The following ZNF45 variants were observed in gnomAD, a reference collection of about 807,000 sequenced individuals.
ZNF45 encodes the protein zinc finger protein 45.
ZNF45 carries 4 observed loss-of-function variants against 12.0 expected under a neutral mutation model. The observed-to-expected ratio is 0.33, with a 90% CI of 0.16 to 0.76. The LOEUF is 0.76. ZNF45 is among the 30% of genes least tolerant of loss of function. ZNF45 has a pLI of 0.60. For missense variants in ZNF45, 700 were observed against 813.0 expected (o/e 0.86, Z 1.69); for synonymous variants, 272 against 279.6 (o/e 0.97, Z 0.27).
In ZNF45 at chr19:43,918,874, G is replaced by A. The variant is rs1972898681; in HGVS notation, c.231C>T (p.Ser77=). The part of the protein sequence containing the change: ...MMKMATQRDN[S]SGAKNLKEME... ...GCAGCCCCAGCCCCTCCTCACCTGA[G>A]GAGTTATCTCTCTGGGTTGCCATCT... Residue 77 remains serine, a synonymous_variant, in exon 9 of 10, where the codon TCC becomes TCT. Transcript: ENST00000269973. The A allele has an allele frequency of 1.2e-6, 2 of 1,613,562 alleles. No individual in the cohort carries two copies. The highest frequency in any genetic ancestry group is 1.1e-5 in the South Asian group (1 of 91,080).
rs1381025122 is a variant in ZNF45, at chr19:43,913,833, T to C, written c.1603A>G (p.Lys535Glu). 1 of 1,613,886 alleles carries C rather than the reference T, an allele frequency of 6.2e-7. No homozygotes were observed. Among genetic ancestry groups the C allele is most frequent in the African/African-American group, 1.3e-5 (1 of 74,842 alleles). The change falls in exon 10 of 10, where the codon AAG (lysine) becomes GAG (glutamate). Residue 535 changes from lysine to glutamate, a missense_variant. Physicochemically the swap from Lys to Glu is moderately conservative, Grantham distance 56. Coordinates refer to ENST00000269973, the MANE Select transcript of ZNF45 (RefSeq NM_003425.4). Reference protein sequence around the residue: ...EKPYQCAECGKGFSVGSQLQA... With the variant: ...EKPYQCAECGEGFSVGSQLQA... ...AGCTGTGAACCTACACTGAAGCCCT[T>C]CCCACACTCTGCACACTGATATGGT...
At chr19:43,923,025 T>C (rs1021002094) in intron 6 of ZNF45, among the ~76,000 whole-genome samples, 1 of 151,752 alleles carries the variant, frequency 6.6e-6, no homozygotes, top group Non-Finnish European at 1.5e-5. Context: ...GAGGTCATGC[T>C]ATGTTGCCCG....
chr19:43,922,820 G>GTTTTTTTTTTTTTTTTTTTTTTTTTTTTT (rs368057244), intron 6 of ZNF45, among the ~76,000 whole-genome samples: 1 of 86,506 alleles, frequency 1.2e-5, no homozygotes, highest in Non-Finnish European at 2.1e-5. Flanking sequence ...TAAATTCTTT[G>GTTTTTTTTTTTTTTTTTTTTTTTTTTTTT]TTTTTTTTTT....
intron 9 of ZNF45, among the ~76,000 whole-genome samples, chr19:43,915,689 C>T (rs1333794289): frequency 6.6e-6 from 1 of 152,108 alleles, no homozygotes; most frequent in African/African-American, 2.4e-5. Flanking sequence ...ACTGCGCGTG[C>T]GAGGGATCTA....
chr19:43,924,703 G>A (rs1489313180), intron 4 of ZNF45, 142 bp from the exon 5 acceptor site: 1 of 152,246 alleles, frequency 6.6e-6, no homozygotes, highest in East Asian at 1.9e-4. Context: ...GTAGAGAACA[G>A]AGTTGTGAAC....
intron 7 of ZNF45, among the ~76,000 whole-genome samples, chr19:43,920,854 G>A (rs1355898104): frequency 2.0e-5 from 3 of 151,930 alleles, no homozygotes; most frequent in South Asian, 4.2e-4. Context: ...CACCTGTCTC[G>A]GCCTCAGAAA....
chr19:43,931,676 A>C (rs1343421552), intron 3 of ZNF45, among the ~76,000 whole-genome samples: 1 of 152,190 alleles, frequency 6.6e-6, no homozygotes, highest in Non-Finnish European at 1.5e-5. Context: ...CACTATTTCA[A>C]ACATGTTACC....
At chr19:43,933,334 T>G (rs1040868621) in intron 2 of ZNF45, among the ~76,000 whole-genome samples, 39 of 152,030 alleles carry the variant, frequency 2.6e-4, no homozygotes, top group Non-Finnish European at 3.1e-4. Context: ...CAGGGCGTGG[T>G]GACGGGCACC....
At position 43,914,436 on chromosome 19, in the gene ZNF45, A is replaced by C. The variant is rs746520351; in HGVS notation, c.1000T>G (p.Cys334Gly). Residue 334 changes from cysteine (C) to glycine (G), a missense_variant, in exon 10 of 10, where the codon TGC (cysteine) becomes GGC (glycine). Coordinates refer to ENST00000269973, the MANE Select transcript of ZNF45 (RefSeq NM_003425.4). ...RIHTGEKPYK[C>G]NACGKSFSYS... ...CTAAAGCTCTTGCCACATGCATTGC[A>C]TTTGTATGGTTTCTCGCCAGTGTGG... 2.6e-5 allele frequency: 42 copies of C among 1,610,278 alleles called. No individual in the cohort carries two copies. Among genetic ancestry groups the C allele is most frequent in the Non-Finnish European group, 3.4e-5 (40 of 1,177,928 alleles).
chr19:43,922,820 G>T (rs796455098), intron 6 of ZNF45, among the ~76,000 whole-genome samples: 111 of 86,438 alleles, frequency 1.3e-3, no homozygotes, highest in East Asian at 1.8e-3. Flanking sequence ...TAAATTCTTT[G>T]TTTTTTTTTT....
chr19:43,916,213 CAA>C (rs1193108802), intron 9 of ZNF45, among the ~76,000 whole-genome samples: 2 of 152,084 alleles, frequency 1.3e-5, no homozygotes, highest in Non-Finnish European at 2.9e-5. Context: ...CCTCCTGACT[CAA>C]GTGATTCTCC....
intron 3 of ZNF45, among the ~76,000 whole-genome samples, chr19:43,930,843 T>C (rs1026316687): frequency 1.3e-5 from 2 of 152,174 alleles, no homozygotes; most frequent in Non-Finnish European, 2.9e-5. Context: ...ATATATTTTC[T>C]TTAACCCAAC....
At chr19:43,920,593 G>C (rs1268742826) in intron 7 of ZNF45, among the ~76,000 whole-genome samples, 1 of 112,436 alleles carries the variant, frequency 8.9e-6, no homozygotes, top group Non-Finnish European at 1.8e-5. Context: ...CTAGCATATC[G>C]TATTGGTTTT....
In ZNF45 at chr19:43,919,719, C is replaced by G; in HGVS notation, c.16-20G>C. 6.2e-7 allele frequency: 1 copy of G among 1,607,570 alleles called. No individual in the cohort carries two copies. Among genetic ancestry groups the G allele is most frequent in the Non-Finnish European group, 8.5e-7 (1 of 1,176,060 alleles). On this transcript the variant is annotated intron_variant, in intron 7 of 9. Coordinates refer to ENST00000269973, the MANE Select transcript of ZNF45 (RefSeq NM_003425.4). The stretch of plus-strand genomic sequence containing the variant: ...TGCCTCCTACAACATCAAACACACT[C>G]CACCTAAATCTTGCAATAAAGGTCC...
chr19:43,917,203 G>A (rs574703768), intron 9 of ZNF45, among the ~76,000 whole-genome samples: 97 of 152,140 alleles, frequency 6.4e-4, no homozygotes, highest in African/African-American at 2.2e-3. Flanking sequence ...GTATTTCTCC[G>A]CATAAATTCT....
At chr19:43,915,512 G>T (rs1215447951) in intron 9 of ZNF45, among the ~76,000 whole-genome samples, 1 of 152,152 alleles carries the variant, frequency 6.6e-6, no homozygotes, top group Non-Finnish European at 1.5e-5. Flanking sequence ...CTAAGTCAGG[G>T]CCCCCAACCC....
intron 3 of ZNF45, 118 bp from the exon 4 acceptor site, chr19:43,925,576 C>T (rs1861803640): frequency 6.6e-6 from 1 of 152,102 alleles, no homozygotes. Flanking sequence ...AGAACCCTTA[C>T]TATTGAAAAG....
intron 3 of ZNF45, among the ~76,000 whole-genome samples, chr19:43,928,697 C>A (rs1973888486): frequency 6.6e-6 from 1 of 152,200 alleles, no homozygotes; most frequent in African/African-American, 2.4e-5. Context: ...ATATACTATC[C>A]TATTGCCTAA....
chr19:43,928,404 A>G (rs900870937), intron 3 of ZNF45, among the ~76,000 whole-genome samples: 1 of 152,060 alleles, frequency 6.6e-6, no homozygotes, highest in African/African-American at 2.4e-5. Context: ...GACCAGAAAA[A>G]ATAACTCATG....
Sources: allele counts gnomAD v4.1 joint callset (sites outside exome capture counted in the v4.1 genomes callset), GRCh38; gene constraint gnomAD v4.1.1; transcripts MANE v1.5; gene names NCBI Gene and HGNC (gene_info 2026-07-23, HGNC 2026-07-21).